The following TMEM132C variants were observed in gnomAD, a reference collection of about 807,000 sequenced individuals.
TMEM132C encodes the protein protein phosphatase 1, regulatory subunit 152.
A neutral mutation model predicts 61.4 loss-of-function variants in TMEM132C; 29 were observed. That is an observed-to-expected ratio of 0.47 (90% CI 0.35 to 0.64). The LOEUF (loss-of-function observed/expected upper bound fraction) is 0.64, where lower values mean the gene tolerates loss of function less well. Among genes scored for constraint, TMEM132C ranks in the 30% least tolerant of loss-of-function variants. The pLI, the probability that TMEM132C is intolerant of heterozygous loss-of-function variation, is 0.00. For synonymous variants in TMEM132C, 656 were observed against 633.1 expected (o/e 1.04, Z -0.54); for missense variants, 1,408 against 1,476.9 (o/e 0.95, Z 0.76).
At chr12:128,340,440 TAAAG>T (rs1445449253) in intron 1 of TMEM132C, among the ~76,000 whole-genome samples, 1 of 152,126 alleles carries the variant, frequency 6.6e-6, no homozygotes, top group Non-Finnish European at 1.5e-5. Flanking sequence ...TTTTAATAAA[TAAAG>T]AGCTGTTACA....
chr12:128,283,594 T>C (rs1870967769), intron 1 of TMEM132C, among the ~76,000 whole-genome samples: 1 of 152,270 alleles, frequency 6.6e-6, no homozygotes, highest in Admixed American at 6.5e-5. Flanking sequence ...TCTACTGTTC[T>C]CTGTCTACTG....
intron 1 of TMEM132C, among the ~76,000 whole-genome samples, chr12:128,385,870 T>C (rs1874563323): frequency 6.6e-6 from 1 of 152,206 alleles, no homozygotes; most frequent in South Asian, 2.1e-4. Flanking sequence ...ACGTGGGTGC[T>C]GTCTGCTCCA....
intron 2 of TMEM132C, among the ~76,000 whole-genome samples, chr12:128,535,041 C>T (rs1431168768): frequency 3.3e-5 from 5 of 152,244 alleles, no homozygotes; most frequent in Non-Finnish European, 7.3e-5. Flanking sequence ...GGTGTCCATG[C>T]TATGAACACA....
chr12:128,605,384 T>C (rs184805819), intron 3 of TMEM132C, among the ~76,000 whole-genome samples: 2 of 152,266 alleles, frequency 1.3e-5, no homozygotes, highest in Admixed American at 1.3e-4. Context: ...AGCCCTTTTG[T>C]TCTGTTCAGG....
chr12:128,596,961 C>G (rs1338586672), intron 3 of TMEM132C, among the ~76,000 whole-genome samples: 3 of 152,156 alleles, frequency 2.0e-5, no homozygotes, highest in Non-Finnish European at 4.4e-5. Context: ...GTTAAGGATG[C>G]TTTCAAGGCG....
intron 1 of TMEM132C, among the ~76,000 whole-genome samples, chr12:128,352,422 C>T (rs1873367541): frequency 6.6e-6 from 1 of 152,148 alleles, no homozygotes. Flanking sequence ...CCCACTGGGT[C>T]CTTCCCACAA....
intron 1 of TMEM132C, among the ~76,000 whole-genome samples, chr12:128,379,772 C>T (rs1485389917): frequency 6.6e-6 from 1 of 152,216 alleles, no homozygotes; most frequent in African/African-American, 2.4e-5. Context: ...AATAACGCCA[C>T]ATTTGCATGT....
Position 128,326,197 on chromosome 12 carries a change from A to G in TMEM132C, c.85+58710A>G. On this transcript the variant is annotated intron_variant, in intron 1 of 8. Coordinates refer to ENST00000435159, the MANE Select transcript of TMEM132C (RefSeq NM_001136103.3). This position sits in a 1 kb window ranked among gnomAD's most constrained non-coding sequence, Gnocchi z 5.6. ...GAGGGAACTGTACAATTATTTATCA[A>G]ATTGCAAAAGAGGCAGTAAGACAAA... Among the ~76,000 whole-genome samples the G allele has an allele frequency of 6.6e-6, 1 of 152,112 alleles. No homozygotes were observed. Among genetic ancestry groups the G allele is most frequent in the Non-Finnish European group, 1.5e-5 (1 of 68,026 alleles).
At chr12:128,662,808 T>C (rs1476177153) in intron 4 of TMEM132C, among the ~76,000 whole-genome samples, 1 of 151,928 alleles carries the variant, frequency 6.6e-6, no homozygotes, top group Non-Finnish European at 1.5e-5. Flanking sequence ...TTGAGAGAGG[T>C]TGTTTGCTGC....
intron 1 of TMEM132C, among the ~76,000 whole-genome samples, chr12:128,268,433 G>A (rs147140227): frequency 3.3e-5 from 5 of 152,190 alleles, no homozygotes; most frequent in African/African-American, 9.6e-5. Context: ...CAAGGCCTAG[G>A]CTCTGCCAGG....
chr12:128,323,735 G>A lies in TMEM132C; in HGVS notation c.85+56248G>A, dbSNP rs772321934. Among the ~76,000 whole-genome samples, 10 of 152,174 alleles carry A rather than the reference G, an allele frequency of 6.6e-5. No homozygotes were observed. The South Asian group carries it at 8.3e-4, about 13-fold the overall frequency. On this transcript the variant is annotated intron_variant, in intron 1 of 8. Transcript: ENST00000435159. ...AAATGTAATTCCCTTGCAAGACACC[G>A]TCCTGGAGGGAGCCGGGAAGCAGCT... is the stretch of plus-strand genomic sequence containing the variant.
At chr12:128,515,814 G>A (rs1477439607) in intron 2 of TMEM132C, among the ~76,000 whole-genome samples, 7 of 150,748 alleles carry the variant, frequency 4.6e-5, no homozygotes, top group Admixed American at 2.0e-4. Context: ...CAGCGTGGAC[G>A]ACAGAGCGAG....
intron 1 of TMEM132C, among the ~76,000 whole-genome samples, chr12:128,373,968 G>A (rs1874105256): frequency 6.6e-6 from 1 of 152,176 alleles, no homozygotes; most frequent in East Asian, 1.9e-4. Context: ...TTAAGACATG[G>A]GCCACCCAGC....
chr12:128,594,883 G>A lies in TMEM132C; in HGVS notation c.1122-21269G>A, dbSNP rs1445079456. On this transcript the variant is annotated intron_variant, in intron 3 of 8. Coordinates refer to ENST00000435159, the MANE Select transcript of TMEM132C (RefSeq NM_001136103.3). ...CCTAAGAATGGCTTTTTCTAAATTG[G>A]AGGTCCCCTCGGATTGCTTCAGTAG... 2.0e-5 allele frequency among the ~76,000 whole-genome samples: 3 copies of A among 152,166 alleles called. No individual in the cohort carries two copies. The East Asian group carries it at 5.8e-4, about 29-fold the overall frequency.
chr12:128,678,593 A>C (rs1954611579), intron 5 of TMEM132C, among the ~76,000 whole-genome samples: 1 of 151,732 alleles, frequency 6.6e-6, no homozygotes. Context: ...CTTTGTGTCA[A>C]CTCTTCCTCC....
chr12:128,381,620 C>A, intron 1 of TMEM132C, among the ~76,000 whole-genome samples: 1 of 152,258 alleles, frequency 6.6e-6, no homozygotes, highest in Non-Finnish European at 1.5e-5. Context: ...GGGTCTCCTG[C>A]GGGAATCGCT....
At chr12:128,513,842 C>T (rs1872641964) in intron 2 of TMEM132C, among the ~76,000 whole-genome samples, 1 of 152,156 alleles carries the variant, frequency 6.6e-6, no homozygotes, top group Admixed American at 6.5e-5. Flanking sequence ...GTCCAGGATA[C>T]AGAATTATCC....
chr12:128,663,623 TC>T (rs1954416425), intron 4 of TMEM132C, among the ~76,000 whole-genome samples: 1 of 152,244 alleles, frequency 6.6e-6, no homozygotes, highest in Admixed American at 6.5e-5. Flanking sequence ...TTTTAACACT[TC>T]CGTGTTAAGG....
At chr12:128,269,528 C>G (rs896716123) in intron 1 of TMEM132C, among the ~76,000 whole-genome samples, 2 of 152,054 alleles carry the variant, frequency 1.3e-5, no homozygotes, top group Admixed American at 1.3e-4. Flanking sequence ...AAACTAGGGA[C>G]GTAGCGAAGC....
Sources: allele counts gnomAD v4.1 joint callset (sites outside exome capture counted in the v4.1 genomes callset), GRCh38; gene constraint gnomAD v4.1.1; non-coding constraint Gnocchi (gnomAD v3.1); transcripts MANE v1.5; gene names NCBI Gene and HGNC (gene_info 2026-07-23, HGNC 2026-07-21).